LRRTM4: variants seen among roughly 807,000 people sequenced by gnomAD.
LRRTM4 encodes leucine-rich repeat transmembrane neuronal protein 4.
LRRTM4 carries 25 observed loss-of-function variants against 47.6 expected under a neutral mutation model. That is an observed-to-expected ratio of 0.53 (90% CI 0.38 to 0.73). LRRTM4 has a LOEUF of 0.73. Ranked by LOEUF, LRRTM4 falls within the 30% of genes least tolerant of loss-of-function variation. The pLI is 0.00. For missense variants in LRRTM4, 638 were observed against 713.4 expected (o/e 0.89, Z 1.20); for synonymous variants, 311 against 269.5 (o/e 1.15, Z -1.51).
chr2:77,246,651 AC>A (rs1240435031), intron 3 of LRRTM4, among the ~76,000 whole-genome samples: 2 of 152,002 alleles, frequency 1.3e-5, no homozygotes, highest in Non-Finnish European at 2.9e-5. Flanking sequence ...TGATTTTCCC[AC>A]CTTGAAAATC....
At chr2:77,308,393 T>A (rs1209728215) in intron 3 of LRRTM4, among the ~76,000 whole-genome samples, 1 of 152,076 alleles carries the variant, frequency 6.6e-6, no homozygotes, top group Non-Finnish European at 1.5e-5. Flanking sequence ...GTTACTGCTG[T>A]AATTATAAAC....
At chr2:77,103,993 T>G (rs1339237596) in intron 3 of LRRTM4, among the ~76,000 whole-genome samples, 1 of 152,120 alleles carries the variant, frequency 6.6e-6, no homozygotes. Context: ...AACTGACTAT[T>G]TGGTCATTTT....
rs574141560 is a variant in LRRTM4, at chr2:77,105,174, A to G, written c.1552-356258T>C. ...TATTATTTGGATGCTGAGTATAACAACAACAAAAAACACCAACAACAAACC... is the reference window on the plus strand; with the variant it reads ...TATTATTTGGATGCTGAGTATAACAGCAACAAAAAACACCAACAACAAACC... On this transcript the variant is annotated intron_variant, in intron 3 of 3. Coordinates refer to ENST00000409884, the MANE Select transcript of LRRTM4 (RefSeq NM_001134745.3). 4.6e-5 allele frequency among the ~76,000 whole-genome samples: 7 copies of G among 152,348 alleles called. No individual in the cohort carries two copies. The South Asian group carries it at 1.2e-3, about 27-fold the overall frequency.
At chr2:77,138,189 G>A (rs570888412) in intron 3 of LRRTM4, among the ~76,000 whole-genome samples, 168 of 151,182 alleles carry the variant, frequency 1.1e-3, no homozygotes, top group Admixed American at 2.5e-3. Flanking sequence ...TCAGCACATC[G>A]CACTTATTCC....
intron 3 of LRRTM4, among the ~76,000 whole-genome samples, chr2:77,017,841 A>G (rs560262355): frequency 6.6e-6 from 1 of 152,262 alleles, no homozygotes; most frequent in Non-Finnish European, 1.5e-5. Flanking sequence ...AACCCAATCT[A>G]CTTATATTTA....
chr2:76,800,778 C>T (rs538448850), intron 3 of LRRTM4, among the ~76,000 whole-genome samples: 4 of 140,694 alleles, frequency 2.8e-5, no homozygotes, highest in South Asian at 2.3e-4. Flanking sequence ...ACAACCCCAT[C>T]AAAAAGTGGG....
In LRRTM4 at chr2:76,905,279, G is replaced by A. The variant is rs372328352; in HGVS notation, c.1552-156363C>T. ...CTCTAGCAAATTCCAACAGACCTGC[G>A]GCTGAGGGTCCTGTCTGTTAGAAGG... On this transcript the variant is annotated intron_variant, in intron 3 of 3. Transcript: ENST00000409884. Among the ~76,000 whole-genome samples the A allele has an allele frequency of 2.3e-3, 355 of 152,196 alleles. 4 individuals are homozygous for A. Among genetic ancestry groups the A allele is most frequent in the African/African-American group, 7.6e-3 (315 of 41,538 alleles).
intron 3 of LRRTM4, among the ~76,000 whole-genome samples, chr2:77,203,776 C>A (rs1674045713): frequency 6.6e-6 from 1 of 152,124 alleles, no homozygotes; most frequent in African/African-American, 2.4e-5. Flanking sequence ...CATGGTAACA[C>A]CTCTGTGTCA....
At chr2:77,239,615 C>T (rs1675203014) in intron 3 of LRRTM4, among the ~76,000 whole-genome samples, 1 of 151,806 alleles carries the variant, frequency 6.6e-6, no homozygotes, top group Non-Finnish European at 1.5e-5. Flanking sequence ...AAGTATTCTT[C>T]TAAAAGAAAA....
rs551679748 is a variant in LRRTM4, at chr2:76,782,194, C to T, written c.1552-33278G>A. Among the ~76,000 whole-genome samples, 181 of 152,270 alleles carry T rather than the reference C, an allele frequency of 1.2e-3. 1 individual carries two copies. Among genetic ancestry groups the T allele is most frequent in the Non-Finnish European group, 2.1e-3 (142 of 68,014 alleles). On this transcript the variant is annotated intron_variant, in intron 3 of 3. Transcript: ENST00000409884. ...TATTTTGCAACACATGTAAGATTTA[C>T]GGGCCTGCTGATGTTGCTGCAGCGA...
intron 3 of LRRTM4, among the ~76,000 whole-genome samples, chr2:77,308,004 T>C (rs1436499494): frequency 7.2e-6 from 1 of 139,258 alleles, no homozygotes; most frequent in South Asian, 2.2e-4. Context: ...ATATACAACA[T>C]ATATGTTACA....
At chr2:77,045,825 G>C (rs1436591024) in intron 3 of LRRTM4, among the ~76,000 whole-genome samples, 1 of 151,792 alleles carries the variant, frequency 6.6e-6, no homozygotes, top group Non-Finnish European at 1.5e-5. Flanking sequence ...GACAAGCACA[G>C]CATTTTTTTT....
At chr2:77,492,236 G>C (rs1301255579) in intron 3 of LRRTM4, among the ~76,000 whole-genome samples, 1 of 152,100 alleles carries the variant, frequency 6.6e-6, no homozygotes, top group African/African-American at 2.4e-5. Context: ...AGCATTTTAT[G>C]TACAAAATAT....
chr2:77,039,867 A>C lies in LRRTM4; in HGVS notation c.1552-290951T>G, dbSNP rs376606523. 2.2e-4 allele frequency among the ~76,000 whole-genome samples: 33 copies of C among 151,312 alleles called. No individual in the cohort carries two copies. In the East Asian group the frequency reaches 6.0e-3, roughly 27 times the overall value. ...GATTATCTTTAAACTATTTTAATAG[A>C]ATAATATTGCAAAAGGAAACTTAGT... is the stretch of plus-strand genomic sequence containing the variant. On this transcript the variant is annotated intron_variant, in intron 3 of 3. Transcript: ENST00000409884.
rs977021059 is a variant in LRRTM4, at chr2:77,226,566, T to C, written c.1551+291752A>G. 1.5e-3 allele frequency among the ~76,000 whole-genome samples: 220 copies of C among 144,708 alleles called. 2 individuals are homozygous for C. The highest frequency in any genetic ancestry group is 5.2e-3 in the African/African-American group (199 of 38,348). The allele number at this position is 144,708 out of a possible 152,430, so 94.9% of individuals were successfully genotyped here. ...ATATATATATATATATATATATATATACTAGTGTCTAAAACAATTATTGCA... is the reference window on the plus strand; with the variant it reads ...ATATATATATATATATATATATATACACTAGTGTCTAAAACAATTATTGCA... On this transcript the variant is annotated intron_variant, in intron 3 of 3. Transcript: ENST00000409884.
At chr2:77,491,639 G>T (rs1353417873) in intron 3 of LRRTM4, among the ~76,000 whole-genome samples, 2 of 151,142 alleles carry the variant, frequency 1.3e-5, no homozygotes, top group African/African-American at 4.9e-5. Flanking sequence ...ATAAGAAATA[G>T]TATTAAAAAG....
chr2:77,510,949 T>C (rs1411956973), intron 3 of LRRTM4, among the ~76,000 whole-genome samples: 2 of 152,118 alleles, frequency 1.3e-5, no homozygotes, highest in Non-Finnish European at 2.9e-5. Context: ...ACTAGAAGAA[T>C]TTGTGTTTAA....
chr2:77,134,746 A>G (rs762523576), intron 3 of LRRTM4, among the ~76,000 whole-genome samples: 7 of 152,208 alleles, frequency 4.6e-5, no homozygotes, highest in Non-Finnish European at 8.8e-5. Flanking sequence ...GAACCTGGAT[A>G]ATATTCCAAA....
intron 3 of LRRTM4, among the ~76,000 whole-genome samples, chr2:77,011,263 G>C (rs1677862153): frequency 6.6e-6 from 1 of 152,034 alleles, no homozygotes; most frequent in Non-Finnish European, 1.5e-5. Context: ...TTACATTCTT[G>C]TTTTCACACT....
Sources: allele counts gnomAD v4.1 joint callset (sites outside exome capture counted in the v4.1 genomes callset), GRCh38; gene constraint gnomAD v4.1.1; transcripts MANE v1.5; gene names NCBI Gene and HGNC (gene_info 2026-07-23, HGNC 2026-07-21).